The following PRKCD variants were observed in gnomAD, a reference collection of about 807,000 sequenced individuals.
The protein encoded by PRKCD is protein kinase C delta, also known as protein kinase C delta type.
A neutral mutation model predicts 82.2 loss-of-function variants in PRKCD; 20 were observed. The ratio of observed to expected loss-of-function variants is 0.24; its 90% CI spans 0.17 to 0.35. PRKCD has a LOEUF of 0.35. Ranked by LOEUF, PRKCD falls within the 10% of genes least tolerant of loss-of-function variation. PRKCD has a pLI of 1.00. For missense variants in PRKCD, 607 were observed against 899.0 expected (o/e 0.68, Z 4.15); for synonymous variants, 317 against 337.0 (o/e 0.94, Z 0.65).
chr3:53,163,882 C>T (rs782598626), intron 1 of PRKCD, among the ~76,000 whole-genome samples: 2 of 152,168 alleles, frequency 1.3e-5, no homozygotes, highest in Non-Finnish European at 2.9e-5. Flanking sequence ...CCTCACCAGA[C>T]CTTAGTGTCA....
At chr3:53,182,996 G>A (rs2107267180) in intron 7 of PRKCD, 125 bp from the exon 8 acceptor site, 1 of 887,632 alleles carries the variant, frequency 1.1e-6, no homozygotes, top group Non-Finnish European at 1.8e-6. Flanking sequence ...GCGGGGTGAG[G>A]GTGTGGGCGG....
At chr3:53,183,882 G>A (rs562895877) in intron 9 of PRKCD, among the ~76,000 whole-genome samples, 1 of 152,354 alleles carries the variant, frequency 6.6e-6, no homozygotes, top group Non-Finnish European at 1.5e-5. Flanking sequence ...CAGGCCTGGT[G>A]CACACCGACA....
chr3:53,166,430 G>C (rs1183194821), intron 2 of PRKCD, among the ~76,000 whole-genome samples: 2 of 152,202 alleles, frequency 1.3e-5, no homozygotes, highest in African/African-American at 2.4e-5. Flanking sequence ...CCCTCCAGCT[G>C]CACAGACATA....
intron 2 of PRKCD, among the ~76,000 whole-genome samples, chr3:53,168,838 G>T (rs534889558): frequency 6.6e-6 from 1 of 151,184 alleles, no homozygotes; most frequent in Non-Finnish European, 1.5e-5. Flanking sequence ...TGATGGGGAG[G>T]GGGGTGGCGG....
At chr3:53,185,568 T>G in intron 10 of PRKCD, 36 bp from the exon 11 acceptor site, 1 of 1,570,744 alleles carries the variant, frequency 6.4e-7, no homozygotes, top group Non-Finnish European at 8.8e-7. Context: ...GATAATGGTC[T>G]GACCATCTGG....
chr3:53,171,448 G>A (rs1553664909), intron 2 of PRKCD, among the ~76,000 whole-genome samples: 1 of 152,196 alleles, frequency 6.6e-6, no homozygotes, highest in African/African-American at 2.4e-5. Context: ...CAGATCGAAG[G>A]CCCCCAGCCA....
intron 16 of PRKCD, 46 bp downstream of exon 16, chr3:53,188,904 C>T: frequency 6.2e-7 from 1 of 1,607,908 alleles, no homozygotes; most frequent in Non-Finnish European, 8.5e-7. Context: ...GGCACCTTGC[C>T]TCCCCACGGT....
Position 53,183,585 on chromosome 3 carries a change from C to G in PRKCD, c.787+4C>G, listed in dbSNP as rs575167797. On this transcript the variant is annotated splice_donor_region_variant and intron_variant, in intron 9 of 18. Coordinates refer to ENST00000330452, the MANE Select transcript of PRKCD (RefSeq NM_006254.4). ...AAGCAGGGATTAAAGTGTGAAGGTG[C>G]GTGCCACCCCGCCCCTGGGCTGCAG... The G allele has an allele frequency of 1.2e-6, 2 of 1,613,604 alleles. No homozygotes were observed. Among genetic ancestry groups the G allele is most frequent in the South Asian group, 1.1e-5 (1 of 91,044 alleles).
At chr3:53,167,957 G>C (rs1269764436) in intron 2 of PRKCD, among the ~76,000 whole-genome samples, 1 of 152,232 alleles carries the variant, frequency 6.6e-6, no homozygotes, top group Non-Finnish European at 1.5e-5. Flanking sequence ...GCCCCTGCCT[G>C]CTCTTCTCCC....
chr3:53,189,880 A>T lies in PRKCD; in HGVS notation c.1751A>T (p.Glu584Val). 1 of 1,614,156 alleles carries T rather than the reference A, an allele frequency of 6.2e-7. No homozygotes were observed. The highest frequency in any genetic ancestry group is 1.1e-5 in the South Asian group (1 of 91,088). Residue 584 changes from glutamate to valine, a missense_variant, in exon 18 of 19, where the codon GAA becomes GTA. Coordinates refer to ENST00000330452, the MANE Select transcript of PRKCD (RefSeq NM_006254.4). ...ESKDILEKLF[E>V]REPTKRLGVT... ...GTCCCTGCTGGGTTGCAGCTCTTTG[A>T]AAGGGAACCAACCAAGAGGCTGGGA... is the stretch of plus-strand genomic sequence containing the variant.
chr3:53,185,613 C>T lies in PRKCD; in HGVS notation c.898C>T (p.Arg300Trp), dbSNP rs782027610. ...TCTGCTCCCTCCCCAGAGAGCCTCCCGGAGATCAGACTCAGCCTCCTCAGA... is the reference window on the plus strand; with the variant it reads ...TCTGCTCCCTCCCCAGAGAGCCTCCTGGAGATCAGACTCAGCCTCCTCAGA... ...ALNQVTQRAS[R>W]RSDSASSEPV... Residue 300 changes from arginine to tryptophan, a missense_variant, in exon 11 of 19, where the codon CGG (arginine) becomes TGG (tryptophan). By Grantham distance (101) the Arg-to-Trp change is moderately radical (BLOSUM62 -3). This residue lies in a region of PRKCD where 85 missense variants were observed against 76.1 expected (regional missense o/e 1.12). Coordinates refer to ENST00000330452, the MANE Select transcript of PRKCD (RefSeq NM_006254.4). 31 of 1,613,330 alleles carry T rather than the reference C, an allele frequency of 1.9e-5. No homozygotes were observed. Among genetic ancestry groups the T allele is most frequent in the Admixed American group, 5.0e-5 (3 of 59,996 alleles).
chr3:53,176,005 C>T (rs1227937545), intron 2 of PRKCD, among the ~76,000 whole-genome samples: 1 of 152,234 alleles, frequency 6.6e-6, no homozygotes, highest in African/African-American at 2.4e-5. Context: ...GCCACCCACT[C>T]CCATGGCTGT....
chr3:53,172,040 G>A (rs1195382516), intron 2 of PRKCD, among the ~76,000 whole-genome samples: 2 of 152,032 alleles, frequency 1.3e-5, no homozygotes, highest in African/African-American at 4.8e-5. Flanking sequence ...CTGGCTGGGG[G>A]ATGAGGTACC....
intron 10 of PRKCD, among the ~76,000 whole-genome samples, 160 bp downstream of exon 10, chr3:53,185,134 G>A (rs1466951552): frequency 6.6e-6 from 1 of 152,204 alleles, no homozygotes; most frequent in Non-Finnish European, 1.5e-5. Context: ...GCAGAGGGAG[G>A]GGGGCTTTTT....
At chr3:53,186,546 T>A (rs1358468267) in intron 13 of PRKCD, 58 bp from the exon 14 acceptor site, 8 of 1,506,086 alleles carry the variant, frequency 5.3e-6, no homozygotes, top group Non-Finnish European at 7.3e-6. Context: ...CCAGTGGCCC[T>A]CAGTGAGGGA....
chr3:53,185,007 G>A lies in PRKCD; in HGVS notation c.888+33G>A, dbSNP rs562250420. 3 of 1,582,516 alleles carry A rather than the reference G, an allele frequency of 1.9e-6. No individual in the cohort carries two copies. The African/African-American group carries it at 4.0e-5, about 21-fold the overall frequency. The stretch of plus-strand genomic sequence containing the variant: ...GGTGCCATGGGGACCCTGGACACAG[G>A]GCAGTGGGGTCAGGGACAGTCAAGG... On this transcript the variant is annotated intron_variant, in intron 10 of 18. Transcript: ENST00000330452.
At chr3:53,167,399 C>T (rs893875911) in intron 2 of PRKCD, among the ~76,000 whole-genome samples, 2 of 152,188 alleles carry the variant, frequency 1.3e-5, no homozygotes, top group African/African-American at 4.8e-5. Context: ...TGCTCTGAGC[C>T]TGTAAGCCGA....
rs781830756 is a variant in PRKCD, at chr3:53,189,263, G to C, written c.1743+17G>C. On this transcript the variant is annotated intron_variant, in intron 17 of 18. Coordinates refer to ENST00000330452, the MANE Select transcript of PRKCD (RefSeq NM_006254.4). ...CTGGAGAAGGTGGAGGCCCTGGGCT[G>C]GGCTGGGCTGGTCTGGGCTGGGCTG... is the stretch of plus-strand genomic sequence containing the variant. The C allele has an allele frequency of 6.6e-7, 1 of 1,523,420 alleles. No homozygotes were observed. Among genetic ancestry groups the C allele is most frequent in the Non-Finnish European group, 8.9e-7 (1 of 1,127,214 alleles). 94.4% of individuals were successfully genotyped at this position (1,523,420 alleles called of 1,614,324 possible). A position where few individuals can be genotyped will look rare whatever the true frequency, so the allele number is the denominator to read the frequency against.
rs527392273 is a variant in PRKCD at position 53,186,037 on chromosome 3, G to A, written c.1086+10G>A. ...AGGCAGCTTCGGGAAGGTGAGGGCT[G>A]TGAGCCGGGCACCTGCTTCCCACCC... On this transcript the variant is annotated intron_variant, in intron 12 of 18. Transcript: ENST00000330452. The A allele has an allele frequency of 2.5e-5, 41 of 1,614,042 alleles. No homozygotes were observed. In the South Asian group the frequency reaches 4.1e-4, roughly 16 times the overall value.
Sources: allele counts gnomAD v4.1 joint callset (sites outside exome capture counted in the v4.1 genomes callset), GRCh38; gene constraint gnomAD v4.1.1; regional missense constraint gnomAD v4.1.1; transcripts MANE v1.5; gene names NCBI Gene and HGNC (gene_info 2026-07-23, HGNC 2026-07-21).